CNGA2: variants seen among roughly 807,000 people sequenced by gnomAD.
CNGA2 encodes the protein cyclic nucleotide-gated channel alpha-2.
CNGA2 carries 22 observed loss-of-function variants against 35.9 expected under a neutral mutation model. The observed-to-expected ratio is 0.61, with a 90% CI of 0.44 to 0.88. The LOEUF is 0.88. Among genes scored for constraint, CNGA2 ranks in the 40% least tolerant of loss-of-function variants. The pLI is 0.00. For synonymous variants in CNGA2, 217 were observed against 209.2 expected (o/e 1.04, Z -0.32); for missense variants, 555 against 530.8 (o/e 1.05, Z -0.45).
At chrX:151,742,716 T>C (rs1443293254) in intron 6 of CNGA2, 74 bp downstream of exon 6, 1 of 785,204 alleles carries the variant, frequency 1.3e-6, no homozygotes, top group African/African-American at 2.1e-5. Flanking sequence ...CTGGACATGG[T>C]GTTGGACTAA....
In CNGA2 at chrX:151,738,836, G is replaced by C. The variant is rs746556535; in HGVS notation, c.160G>C (p.Ala54Pro). 1.0e-5 allele frequency: 12 copies of C among 1,176,354 alleles called. No homozygotes were observed. Among genetic ancestry groups the C allele is most frequent in the Non-Finnish European group, 1.4e-5 (12 of 877,937 alleles). The stretch of plus-strand genomic sequence containing the variant: ...CACCTCCTCAGAACTGCAGAGGCTG[G>C]CAGACGTGGATGCCCCACAGCAGGG... ...DDTSSELQRL[A>P]DVDAPQQGRS... The change falls in exon 3 of 7, where the codon GCA becomes CCA. Residue 54 changes from alanine (A) to proline (P), a missense_variant. Physicochemically the swap from Ala to Pro is conservative, Grantham distance 27. Transcript: ENST00000329903.
chrX:151,741,258 TC>T (rs1569428024), intron 5 of CNGA2, among the ~76,000 whole-genome samples: 1 of 111,776 alleles, frequency 8.9e-6, no homozygotes, highest in Non-Finnish European at 1.9e-5. Context: ...CTGACCTTTT[TC>T]TCTTGCTACA....
chrX:151,739,258 C>T (rs1010285748), intron 3 of CNGA2, among the ~76,000 whole-genome samples: 49 of 112,218 alleles, frequency 4.4e-4, no homozygotes, highest in African/African-American at 1.4e-3. Context: ...CCACCTCCAA[C>T]TTTCCCTGAA....
At position 151,744,650 on chromosome X, in the gene CNGA2, A is replaced by C; in HGVS notation, c.*152A>C. On this transcript the variant is annotated 3_prime_UTR_variant, in exon 7 of 7. Coordinates refer to ENST00000329903, the MANE Select transcript of CNGA2 (RefSeq NM_005140.3). ...CTGACCCTGGGTTTTTGGCCTAAACATCCAAGATTCCGCCTCCAAGTTTAG... is the reference window on the plus strand; with the variant it reads ...CTGACCCTGGGTTTTTGGCCTAAACCTCCAAGATTCCGCCTCCAAGTTTAG... 4.1e-6 allele frequency: 2 copies of C among 490,067 alleles called. No homozygotes were observed. The highest frequency in any genetic ancestry group is 2.4e-5 in the African/African-American group (1 of 42,183). 40.4% of individuals were successfully genotyped at this position (490,067 alleles called of 1,213,427 possible). A position where few individuals can be genotyped will look rare whatever the true frequency, so the allele number is the denominator to read the frequency against.
chrX:151,742,647 G>C lies in CNGA2; in HGVS notation c.589+5G>C. On this transcript the variant is annotated splice_donor_5th_base_variant and intron_variant, in intron 6 of 6. Transcript: ENST00000329903. ...TCTTCATCCGATTGCGCACAGGTCA[G>C]TGAGCAACTGGGATGCAGGTAAATC... 4.2e-6 allele frequency: 5 copies of C among 1,181,442 alleles called. No homozygotes were observed. Among genetic ancestry groups the C allele is most frequent in the Non-Finnish European group, 5.7e-6 (5 of 872,275 alleles).
chrX:151,739,460 T>C (rs1230773123), intron 3 of CNGA2, 102 bp from the exon 4 acceptor site: 1 of 890,466 alleles, frequency 1.1e-6, no homozygotes, highest in Non-Finnish European at 1.6e-6. Context: ...TTCACTGTCC[T>C]TCTTTCATCT....
In CNGA2 at chrX:151,743,415, C is replaced by T. The variant is rs746644176; in HGVS notation, c.912C>T (p.Val304=). ...TCTCCAAATCCATAGGCTTTGGGGT[C>T]GACACCTGGGTTTACCCAAACATCA... ...YAISKSIGFG[V]DTWVYPNITD... The change falls in exon 7 of 7, where the codon GTC becomes GTT. Residue 304 remains valine (V), a synonymous_variant. Transcript: ENST00000329903. The T allele has an allele frequency of 9.1e-6, 11 of 1,207,246 alleles. No homozygotes were observed. The South Asian group carries it at 1.1e-4, about 12-fold the overall frequency.
chrX:151,743,270 T>C lies in CNGA2; in HGVS notation c.767T>C (p.Met256Thr), dbSNP rs2015336057. ...AACCGCCTGCTGCACTTTGCCCGCA[T>C]GTTTGAGTTCTTTGACCGGACAGAG... ...RFNRLLHFARMFEFFDRTETR... is the reference protein window; with the variant it reads ...RFNRLLHFARTFEFFDRTETR... The change falls in exon 7 of 7, where the codon ATG becomes ACG. Residue 256 changes from methionine to threonine, a missense_variant. Transcript: ENST00000329903. 2 of 1,208,685 alleles carry C rather than the reference T, an allele frequency of 1.7e-6. No individual in the cohort carries two copies. The highest frequency in any genetic ancestry group is 2.2e-6 in the Non-Finnish European group (2 of 894,953).
chrX:151,744,193 C>T lies in CNGA2; in HGVS notation c.1690C>T (p.Pro564Ser). 1 of 1,210,584 alleles carries T rather than the reference C, an allele frequency of 8.3e-7. No homozygotes were observed. The highest frequency in any genetic ancestry group is 1.8e-5 in the South Asian group (1 of 56,852). The change falls in exon 7 of 7, where the codon CCT becomes TCT. Residue 564 changes from proline (P) to serine (S), a missense_variant. Coordinates refer to ENST00000329903, the MANE Select transcript of CNGA2 (RefSeq NM_005140.3). ...DDLMEAVTEY[P>S]DAKKVLEERG... is the part of the protein sequence containing the mutation. ...TCTTATGGAAGCTGTGACTGAGTAC[C>T]CTGATGCCAAGAAAGTCCTAGAAGA...
At chrX:151,739,514 C>T (rs771046729) in intron 3 of CNGA2, 48 bp from the exon 4 acceptor site, 1 of 1,155,407 alleles carries the variant, frequency 8.7e-7, no homozygotes, top group Non-Finnish European at 1.2e-6. Context: ...GCTTTCTGAA[C>T]AGCATGAGTC....
chrX:151,743,005 T>TAC lies in CNGA2; in HGVS notation c.590-84_590-83dup, dbSNP rs758741001. ...ATACATATATATGTGTATATATATATACACATATATATGTATATATATGCA... is the reference window on the plus strand; with the variant it reads ...ATACATATATATGTGTATATATATATACACACATATATATGTATATATATGCA... On this transcript the variant is annotated intron_variant, in intron 6 of 6. Coordinates refer to ENST00000329903, the MANE Select transcript of CNGA2 (RefSeq NM_005140.3). 1.4e-3 allele frequency: 100 copies of TAC among 71,985 alleles called. 4 individuals are homozygous for TAC. The highest frequency in any genetic ancestry group is 1.9e-3 in the Non-Finnish European group (82 of 42,808). The allele number at this position is 71,985 out of a possible 1,213,427, so 5.9% of individuals were successfully genotyped here.
Position 151,738,874 on chromosome X carries a change from C to T in CNGA2, c.198C>T (p.Phe66=), listed in dbSNP as rs1445793205. ...CCCCACAGCAGGGAAGGAGTGGCTT[C>T]CGCAGGTGGGTCCCACCACTACCCT... The part of the protein sequence containing the change: ...VDAPQQGRSG[F]RRIVRLVGII... Residue 66 remains phenylalanine (F), a synonymous_variant, in exon 3 of 7, where the codon TTC becomes TTT. Transcript: ENST00000329903. The T allele has an allele frequency of 3.4e-6, 4 of 1,166,117 alleles. No homozygotes were observed. The East Asian group carries it at 1.3e-4, about 37-fold the overall frequency.
Position 151,742,076 on chromosome X carries a change from C to T in CNGA2, c.483-460C>T, listed in dbSNP as rs150671390. 3.9e-3 allele frequency among the ~76,000 whole-genome samples: 438 copies of T among 112,674 alleles called. 1 individual carries two copies. Among genetic ancestry groups the T allele is most frequent in the African/African-American group, 0.012 (369 of 31,052 alleles). On this transcript the variant is annotated intron_variant, in intron 5 of 6. Coordinates refer to ENST00000329903, the MANE Select transcript of CNGA2 (RefSeq NM_005140.3). ...ATTCCCACTACTATTCTCCCTCTCA[C>T]GTGTATTGGCTAGTGCTGTTTATTG...
At chrX:151,742,819 T>TA (rs1204614198) in intron 6 of CNGA2, among the ~76,000 whole-genome samples, 177 bp downstream of exon 6, 1 of 98,985 alleles carries the variant, frequency 1.0e-5, no homozygotes, top group Non-Finnish European at 2.0e-5. Context: ...GGTGTTCTCT[T>TA]AGAGTCCTTC....
chrX:151,739,751 T>C lies in CNGA2; in HGVS notation c.374+19T>C. 8.3e-7 allele frequency: 1 copy of C among 1,206,363 alleles called. No individual in the cohort carries two copies. Among genetic ancestry groups the C allele is most frequent in the Non-Finnish European group, 1.1e-6 (1 of 891,917 alleles). On this transcript the variant is annotated intron_variant, in intron 4 of 6. Coordinates refer to ENST00000329903, the MANE Select transcript of CNGA2 (RefSeq NM_005140.3). ...GCACCAAGTACAGCTGTTCAGCCTA[T>C]GGGACTCAAATGGGCTTTAAGCATG...
chrX:151,739,428 A>T (rs2015280730), intron 3 of CNGA2, 134 bp from the exon 4 acceptor site: 2 of 715,462 alleles, frequency 2.8e-6, no homozygotes, highest in Non-Finnish European at 4.0e-6. Flanking sequence ...ACGGGAAATC[A>T]TGGTCTGGCC....
intron 3 of CNGA2, 144 bp from the exon 4 acceptor site, chrX:151,739,418 A>G: frequency 1.5e-6 from 1 of 668,437 alleles, no homozygotes; most frequent in African/African-American, 2.2e-5. Flanking sequence ...CTTTTAGCAC[A>G]CGGGAAATCA....
chrX:151,742,940 A>ATG lies in CNGA2; in HGVS notation c.590-151_590-150dup, dbSNP rs1213520623. 5.4e-5 allele frequency among the ~76,000 whole-genome samples: 4 copies of ATG among 74,732 alleles called. No individual in the cohort carries two copies. In the East Asian group the frequency reaches 1.5e-3, roughly 28 times the overall value. The allele number at this position is 74,732 out of a possible 115,157, so 64.9% of individuals were successfully genotyped here. On this transcript the variant is annotated intron_variant, in intron 6 of 6. Coordinates refer to ENST00000329903, the MANE Select transcript of CNGA2 (RefSeq NM_005140.3). Reference sequence around the variant, plus strand: ...TATAGGGAAGGATATATATATATATATGTATATGTATATATATATGTATAT... The same window carrying ATG: ...TATAGGGAAGGATATATATATATATATGTGTATATGTATATATATATGTATAT...
At chrX:151,736,658 G>A (rs2015249984) in intron 1 of CNGA2, among the ~76,000 whole-genome samples, 1 of 110,858 alleles carries the variant, frequency 9.0e-6, no homozygotes. Context: ...CAGCATGAGG[G>A]GGCAGTTTCT....
Sources: gnomAD v4.1 joint callset for allele counts (sites outside exome capture counted in the v4.1 genomes callset) on GRCh38, gnomAD v4.1.1 for gene constraint, MANE v1.5 for transcripts, NCBI Gene and HGNC (gene_info 2026-07-23, HGNC 2026-07-21) for gene names.